BABAM2: variants seen among roughly 807,000 people sequenced by gnomAD.
The protein encoded by BABAM2 is BRISC and BRCA1-A complex member 2.
In BABAM2, 31 loss-of-function variants were observed where a neutral mutation model predicts 54.7. The ratio of observed to expected loss-of-function variants is 0.57; its 90% confidence interval spans 0.43 to 0.77. BABAM2 has a LOEUF of 0.77. BABAM2 is among the 30% of genes least tolerant of loss of function. The pLI is 0.00. For synonymous variants in BABAM2, 167 were observed against 162.9 expected, an observed-to-expected ratio of 1.03 and a Z score of -0.19; for missense variants, 364 against 455.8, an observed-to-expected ratio of 0.80 and a Z score of 1.83.
At chr2:28,287,466 C>T (rs1048370167) in intron 10 of BABAM2, among the ~76,000 whole-genome samples, 9 of 152,202 alleles carry the variant, frequency 5.9e-5, no homozygotes, top group Non-Finnish European at 1.3e-4. Context: ...CCCATTTCCT[C>T]ACTAATCAAT....
chr2:27,966,282 T>C (rs920569950), intron 3 of BABAM2, among the ~76,000 whole-genome samples: 1 of 152,250 alleles, frequency 6.6e-6, no homozygotes, highest in Non-Finnish European at 1.5e-5. Context: ...TTGGTAATCC[T>C]GAGTACAGGT....
At chr2:28,227,359 G>A (rs1680982864) in intron 7 of BABAM2, among the ~76,000 whole-genome samples, 1 of 152,052 alleles carries the variant, frequency 6.6e-6, no homozygotes, top group South Asian at 2.1e-4. Flanking sequence ...AAAGCTGCTC[G>A]GTGTGGTGCA....
At chr2:27,903,362 C>T (rs749725939) in intron 2 of BABAM2, among the ~76,000 whole-genome samples, 6 of 152,198 alleles carry the variant, frequency 3.9e-5, no homozygotes, top group South Asian at 2.1e-4. Flanking sequence ...GTTCTACATA[C>T]GTTTTTGTAA....
At chr2:28,005,907 A>G (rs890413121) in intron 4 of BABAM2, among the ~76,000 whole-genome samples, 105 of 152,158 alleles carry the variant, frequency 6.9e-4, no homozygotes, top group African/African-American at 2.3e-3. Flanking sequence ...ATATTTCAGT[A>G]TAATATGCAA....
Position 28,114,320 on chromosome 2 carries a change from A to C in BABAM2, c.571-14951A>C, listed in dbSNP as rs564259504. Among the ~76,000 whole-genome samples the C allele has an allele frequency of 2.0e-5, 3 of 152,294 alleles. No individual in the cohort carries two copies. In the East Asian group the frequency reaches 5.8e-4, roughly 29 times the overall value. On this transcript the variant is annotated intron_variant, in intron 6 of 11. Coordinates refer to ENST00000379624, the MANE Select transcript of BABAM2 (RefSeq NM_199191.3). ...CTTAAGCTGATAAGCGACTCTAGCA[A>C]AGTCTCAGCATACTCTCTTGCTTTC...
chr2:28,335,671 C>G (rs2148344456), intron 11 of BABAM2, among the ~76,000 whole-genome samples: 1 of 152,300 alleles, frequency 6.6e-6, no homozygotes, highest in African/African-American at 2.4e-5. Context: ...GGACAAGTGC[C>G]CCAGAAGAAG....
At chr2:28,176,133 C>T (rs1450838517) in intron 7 of BABAM2, among the ~76,000 whole-genome samples, 1 of 152,116 alleles carries the variant, frequency 6.6e-6, no homozygotes, top group African/African-American at 2.4e-5. Flanking sequence ...ACCAAATGTG[C>T]AGATATCAAC....
At chr2:27,935,515 T>C (rs913793805) in intron 3 of BABAM2, among the ~76,000 whole-genome samples, 15 of 152,378 alleles carry the variant, frequency 9.8e-5, no homozygotes, top group African/African-American at 3.4e-4. Flanking sequence ...AGATCGAATC[T>C]ACTTCTGGTT....
chr2:27,958,732 T>C (rs1670267219), intron 3 of BABAM2, among the ~76,000 whole-genome samples: 1 of 152,042 alleles, frequency 6.6e-6, no homozygotes, highest in African/African-American at 2.4e-5. Context: ...TAACAAATAC[T>C]CTTGTGAGGA....
intron 10 of BABAM2, among the ~76,000 whole-genome samples, chr2:28,261,751 C>T (rs1684555842): frequency 6.6e-6 from 1 of 151,108 alleles, no homozygotes; most frequent in Non-Finnish European, 1.5e-5. Flanking sequence ...TTTCTCTCCC[C>T]TCCCCTCTCC....
chr2:28,194,996 A>G (rs900453701), intron 7 of BABAM2, among the ~76,000 whole-genome samples: 3 of 152,224 alleles, frequency 2.0e-5, no homozygotes, highest in African/African-American at 7.2e-5. Flanking sequence ...ACGCCCAGCC[A>G]ACATAGACAT....
At chr2:28,041,688 G>A (rs1429465399) in intron 5 of BABAM2, among the ~76,000 whole-genome samples, 12 of 152,150 alleles carry the variant, frequency 7.9e-5, no homozygotes, top group Admixed American at 7.9e-4. Context: ...TCTCTGGGGT[G>A]TTTTTCCTTC....
chr2:27,950,833 G>C (rs984630086), intron 3 of BABAM2, among the ~76,000 whole-genome samples: 3 of 152,116 alleles, frequency 2.0e-5, no homozygotes, highest in African/African-American at 7.2e-5. Flanking sequence ...AATAGATTTA[G>C]ATCTATTCAG....
intron 6 of BABAM2, among the ~76,000 whole-genome samples, chr2:28,069,296 A>G (rs1663906734): frequency 6.6e-6 from 1 of 152,216 alleles, no homozygotes. Flanking sequence ...ATTGTTACTC[A>G]TGTATTCATT....
rs2148243528 is a variant in BABAM2, at chr2:27,890,911, T to C, written c.-25+69T>C. On this transcript the variant is annotated intron_variant, in intron 1 of 11. Coordinates refer to ENST00000379624, the MANE Select transcript of BABAM2 (RefSeq NM_199191.3). This position sits in a 1 kb window ranked among gnomAD's most constrained non-coding sequence, Gnocchi z 4.8. ...GCACAGGTGGCGTGGAGAACTGTGGTTTAAATATGGCCAGGGGACTCGCCT... is the reference window on the plus strand; with the variant it reads ...GCACAGGTGGCGTGGAGAACTGTGGCTTAAATATGGCCAGGGGACTCGCCT... 1 of 152,450 alleles carries C rather than the reference T, an allele frequency of 6.6e-6. No homozygotes were observed. The highest frequency in any genetic ancestry group is 2.1e-4 in the South Asian group (1 of 4,810). The allele number at this position is 152,450 out of a possible 1,614,324, so 9.4% of individuals were successfully genotyped here. A position where few individuals can be genotyped will look rare whatever the true frequency, so the allele number is the denominator to read the frequency against.
At chr2:28,217,366 A>G (rs1421273613) in intron 7 of BABAM2, among the ~76,000 whole-genome samples, 2 of 152,260 alleles carry the variant, frequency 1.3e-5, no homozygotes, top group Non-Finnish European at 2.9e-5. Context: ...GGAACAATCT[A>G]TACTCAAAAG....
At chr2:28,310,085 A>G (rs139372601) in intron 11 of BABAM2, 174 of 1,614,084 alleles carry the variant, frequency 1.1e-4, no homozygotes, top group Non-Finnish European at 1.3e-4. Context: ...CTTACAGAAG[A>G]GAGAGCAACA....
chr2:27,915,147 G>A (rs1039034801), intron 2 of BABAM2, among the ~76,000 whole-genome samples: 6 of 152,134 alleles, frequency 3.9e-5, no homozygotes, highest in African/African-American at 1.4e-4. Flanking sequence ...GAGAATTTTT[G>A]TCTGTGGAAT....
At chr2:28,042,536 C>A (rs995253515) in intron 5 of BABAM2, among the ~76,000 whole-genome samples, 3 of 151,974 alleles carry the variant, frequency 2.0e-5, no homozygotes, top group African/African-American at 7.3e-5. Flanking sequence ...AAGATAAAGA[C>A]CGAGAAATGA....
Sources: gnomAD v4.1 joint callset for allele counts (sites outside exome capture counted in the v4.1 genomes callset) on GRCh38, gnomAD v4.1.1 for gene constraint, Gnocchi (gnomAD v3.1) non-coding constraint, MANE v1.5 for transcripts, NCBI Gene and HGNC (gene_info 2026-07-23, HGNC 2026-07-21) for gene names.